Variants in RPH3A observed in about 807,000 individuals in gnomAD.
RPH3A encodes the protein rabphilin-3A.
In RPH3A, 48 loss-of-function variants were observed where a neutral mutation model predicts 102.2. The ratio of observed to expected loss-of-function variants is 0.47; its 90% CI spans 0.37 to 0.60. The LOEUF is 0.60. RPH3A is among the 20% of genes least tolerant of loss of function. The probability of loss-of-function intolerance (pLI) is 0.00; values close to 1 mark genes in which losing one functional copy is unlikely to be tolerated. For missense variants in RPH3A, 781 were observed against 910.1 expected, an observed-to-expected ratio of 0.86 and a Z score of 1.83; for synonymous variants, 310 against 324.3, an observed-to-expected ratio of 0.96 and a Z score of 0.47.
intron 15 of RPH3A, 32 bp downstream of exon 15, chr12:112,881,878 G>C (rs200916640): frequency 6.4e-7 from 1 of 1,567,486 alleles, no homozygotes; most frequent in Non-Finnish European, 8.7e-7. Flanking sequence ...TCTGCAAACC[G>C]GGTGCATGGG....
intron 1 of RPH3A, among the ~76,000 whole-genome samples, chr12:112,628,944 A>G (rs1592915550): frequency 6.6e-6 from 1 of 152,120 alleles, no homozygotes; most frequent in East Asian, 1.9e-4. Flanking sequence ...GTGTGAGTCA[A>G]AGGAGAAGCA....
chr12:112,694,290 G>A (rs974657436), intron 1 of RPH3A, among the ~76,000 whole-genome samples: 4 of 152,140 alleles, frequency 2.6e-5, no homozygotes, highest in South Asian at 2.1e-4. Flanking sequence ...TGAGTCTCAC[G>A]TGGCCCAGCT....
chr12:112,741,977 C>T (rs761637857), intron 1 of RPH3A, among the ~76,000 whole-genome samples: 5 of 152,132 alleles, frequency 3.3e-5, no homozygotes, highest in Admixed American at 2.6e-4. Flanking sequence ...ATAAGCAGTG[C>T]GCTAAAATAC....
intron 1 of RPH3A, among the ~76,000 whole-genome samples, chr12:112,769,029 C>T (rs952185479): frequency 6.6e-6 from 1 of 152,216 alleles, no homozygotes; most frequent in African/African-American, 2.4e-5. Context: ...GCTTCGTGTT[C>T]GTGTTAGCCC....
chr12:112,734,192 A>G (rs908753638), intron 1 of RPH3A, among the ~76,000 whole-genome samples: 2 of 152,160 alleles, frequency 1.3e-5, no homozygotes, highest in Non-Finnish European at 2.9e-5. Flanking sequence ...TACCTTTGCT[A>G]TGCTTAGATA....
intron 2 of RPH3A, among the ~76,000 whole-genome samples, chr12:112,814,523 C>T (rs1593033604): frequency 1.3e-5 from 2 of 152,292 alleles, no homozygotes; most frequent in Middle Eastern, 3.4e-3. Context: ...TTATCTCACG[C>T]CAGATTCTCT....
intron 5 of RPH3A, among the ~76,000 whole-genome samples, chr12:112,857,538 A>G (rs988580247): frequency 7.9e-5 from 12 of 152,172 alleles, no homozygotes; most frequent in Non-Finnish European, 1.3e-4. Flanking sequence ...AGGGGCCATG[A>G]GCCAAAGAAT....
intron 1 of RPH3A, among the ~76,000 whole-genome samples, chr12:112,713,030 TCTTCTTCTTCTTCTTCTTCTC>T (rs1244101529): frequency 0.023 from 1,778 of 77,348 alleles, 132 homozygotes; most frequent in African/African-American, 0.1. Context: ...TTCCTCTTCT[TCTTCTTCTTCTTCTTCTTCTC>T]CTTCTTCTTC....
intron 1 of RPH3A, among the ~76,000 whole-genome samples, chr12:112,684,607 A>T (rs2040250432): frequency 6.6e-6 from 1 of 152,170 alleles, no homozygotes; most frequent in African/African-American, 2.4e-5. Context: ...AATTCTGCAA[A>T]AGATCAATCT....
At chr12:112,894,716 C>T in intron 20 of RPH3A, 57 bp downstream of exon 20, 2 of 1,393,352 alleles carry the variant, frequency 1.4e-6, no homozygotes, top group Middle Eastern at 2.0e-4. Flanking sequence ...GTTAGAGAGG[C>T]ACAAATAGCC....
chr12:112,595,969 T>C (rs2039513596), intron 1 of RPH3A, among the ~76,000 whole-genome samples: 1 of 152,094 alleles, frequency 6.6e-6, no homozygotes, highest in Non-Finnish European at 1.5e-5. Context: ...TACATAGACA[T>C]GTGTGAAGGG....
chr12:112,636,309 G>A (rs1429664125), intron 1 of RPH3A, among the ~76,000 whole-genome samples: 3 of 152,126 alleles, frequency 2.0e-5, no homozygotes, highest in African/African-American at 7.2e-5. Flanking sequence ...ACATTTTATT[G>A]GCCAGAATTC....
intron 1 of RPH3A, among the ~76,000 whole-genome samples, chr12:112,638,210 C>T (rs530461645): frequency 4.7e-4 from 72 of 152,296 alleles, no homozygotes; most frequent in African/African-American, 1.6e-3. Context: ...CACGCCAGCT[C>T]CCCTTTGCCT....
At chr12:112,726,731 G>T (rs1160169231) in intron 1 of RPH3A, among the ~76,000 whole-genome samples, 1 of 152,086 alleles carries the variant, frequency 6.6e-6, no homozygotes, top group Non-Finnish European at 1.5e-5. Flanking sequence ...AAATATAAAG[G>T]CATTTTTCTG....
intron 1 of RPH3A, among the ~76,000 whole-genome samples, chr12:112,771,136 G>A (rs2040924753): frequency 6.6e-6 from 1 of 152,162 alleles, no homozygotes; most frequent in Non-Finnish European, 1.5e-5. Context: ...TTCCAGTCTC[G>A]TATGTGTCCT....
At position 112,754,893 on chromosome 12, in the gene RPH3A, A is replaced by G. The variant is rs568709909; in HGVS notation, c.-139-37250A>G. On this transcript the variant is annotated intron_variant, in intron 1 of 21. Transcript: ENST00000543106. ...CAATGCCCGGTTCTGCTTCAAACTA[A>G]TTACATCTGAATCTCTGGGAGTGGA... Among the ~76,000 whole-genome samples the G allele has an allele frequency of 3.3e-5, 5 of 152,300 alleles. No homozygotes were observed. The South Asian group carries it at 1.0e-3, about 32-fold the overall frequency.
chr12:112,857,863 T>C (rs1808641437), intron 5 of RPH3A, among the ~76,000 whole-genome samples: 1 of 151,658 alleles, frequency 6.6e-6, no homozygotes, highest in African/African-American at 2.4e-5. Flanking sequence ...CAGCTCCATG[T>C]GTACAGAAAG....
intron 1 of RPH3A, among the ~76,000 whole-genome samples, chr12:112,589,438 T>C (rs1225588826): frequency 6.6e-6 from 1 of 152,182 alleles, no homozygotes; most frequent in Non-Finnish European, 1.5e-5. Context: ...TTGCTGTTCC[T>C]TGAACATCTC....
chr12:112,688,326 G>A (rs1452278730), intron 1 of RPH3A, among the ~76,000 whole-genome samples: 1 of 152,150 alleles, frequency 6.6e-6, no homozygotes. Context: ...TGGGGAGAAG[G>A]TTTTCATTAG....
Sources: allele counts gnomAD v4.1 joint callset (sites outside exome capture counted in the v4.1 genomes callset), GRCh38; gene constraint gnomAD v4.1.1; transcripts MANE v1.5; gene names NCBI Gene and HGNC (gene_info 2026-07-23, HGNC 2026-07-21).